TMEM154: variants seen among roughly 807,000 people sequenced by gnomAD.
The protein encoded by TMEM154 is transmembrane protein 154.
In TMEM154, 27 loss-of-function variants were observed where a neutral mutation model predicts 24.5. The ratio of observed to expected loss-of-function variants is 1.10; its 90% CI spans 0.81 to 1.52. TMEM154 has a LOEUF of 1.52. TMEM154 is among the 40% of genes most tolerant of loss of function. The pLI, the probability that TMEM154 is intolerant of heterozygous loss-of-function variation, is 0.00. For synonymous variants in TMEM154, 67 were observed against 76.8 expected, an observed-to-expected ratio of 0.87 and a Z score of 0.67; for missense variants, 228 against 213.4, an observed-to-expected ratio of 1.07 and a Z score of -0.43.
intron 3 of TMEM154, among the ~76,000 whole-genome samples, chr4:152,648,621 C>T (rs1285524781): frequency 6.6e-6 from 1 of 152,212 alleles, no homozygotes; most frequent in Non-Finnish European, 1.5e-5. Flanking sequence ...AAAGTCAAGT[C>T]AAGTTCTGGG....
chr4:152,662,399 G>T (rs1331283440), intron 1 of TMEM154, among the ~76,000 whole-genome samples: 1 of 152,166 alleles, frequency 6.6e-6, no homozygotes, highest in African/African-American at 2.4e-5. Flanking sequence ...AGCTCCAAGA[G>T]TTTGTGCAAG....
At position 152,679,928 on chromosome 4, in the gene TMEM154, C is replaced by G. The variant is rs1459483737; in HGVS notation, c.6G>C (p.Gln2His). 1 of 1,609,844 alleles carries G rather than the reference C, an allele frequency of 6.2e-7. No homozygotes were observed. Among genetic ancestry groups the G allele is most frequent in the Admixed American group, 1.7e-5 (1 of 59,476 alleles). Residue 2 changes from glutamine (Q) to histidine (H), a missense_variant, in exon 1 of 7, where the codon CAG becomes CAC. Physicochemically the swap from Gln to His is conservative, Grantham distance 24. Transcript: ENST00000304385. M[Q>H]APRAALVFAL... ...CGAAGACTAGGGCTGCGCGGGGAGC[C>G]TGCATGTCCGCTCGCCTCGGCAGAG... is the stretch of plus-strand genomic sequence containing the variant.
In TMEM154 at chr4:152,626,639, C is replaced by T. The variant is rs1751925989; in HGVS notation, c.*1907G>A. On this transcript the variant is annotated 3_prime_UTR_variant, in exon 7 of 7. Coordinates refer to ENST00000304385, the MANE Select transcript of TMEM154 (RefSeq NM_152680.3). Reference sequence around the variant, plus strand: ...ATTTTTATCATATTATATAATATGACTTCATCAACATGAAGTTCCAGGACC... The same window carrying T: ...ATTTTTATCATATTATATAATATGATTTCATCAACATGAAGTTCCAGGACC... The T allele has an allele frequency of 6.6e-6, 1 of 152,138 alleles. No homozygotes were observed. The highest frequency in any genetic ancestry group is 1.5e-5 in the Non-Finnish European group (1 of 68,016). 9.4% of individuals were successfully genotyped at this position (152,138 alleles called of 1,614,324 possible).
chr4:152,636,312 C>T (rs959446360), intron 6 of TMEM154, among the ~76,000 whole-genome samples: 9 of 152,242 alleles, frequency 5.9e-5, no homozygotes, highest in African/African-American at 2.2e-4. Context: ...CCTCCTAGCA[C>T]CCTCCTCCCA....
At chr4:152,628,636 T>TCC in intron 6 of TMEM154, 75 bp from the exon 7 acceptor site, 2 of 1,237,562 alleles carry the variant, frequency 1.6e-6, no homozygotes, top group South Asian at 3.1e-5. Context: ...ATATATTTCT[T>TCC]TCTTTTTTTT....
At position 152,679,876 on chromosome 4, in the gene TMEM154, C is replaced by A; in HGVS notation, c.58G>T (p.Gly20Cys). ...FALVIALVPV[G>C]RGNYEELENS... is the part of the protein sequence containing the mutation. ...GGAAGTGGAGGCGGCTTACCCCGGC[C>A]GACGGGAACGAGCGCGATCACCAGG... Residue 20 changes from glycine to cysteine, a missense_variant, in exon 1 of 7, where the codon GGC becomes TGC. Transcript: ENST00000304385. 1.2e-6 allele frequency: 2 copies of A among 1,608,828 alleles called. No homozygotes were observed. Among genetic ancestry groups the A allele is most frequent in the Non-Finnish European group, 1.7e-6 (2 of 1,178,244 alleles).
At chr4:152,679,262 C>T (rs937149357) in intron 1 of TMEM154, among the ~76,000 whole-genome samples, 4 of 151,174 alleles carry the variant, frequency 2.6e-5, no homozygotes, top group African/African-American at 9.8e-5. Flanking sequence ...AAAAAAAAAT[C>T]TGTAAAAGTA....
intron 6 of TMEM154, among the ~76,000 whole-genome samples, chr4:152,639,148 A>G (rs968333112): frequency 1.3e-5 from 2 of 152,060 alleles, no homozygotes; most frequent in African/African-American, 4.8e-5. Flanking sequence ...ATGGAGTTTT[A>G]CCATGTGGGC....
intron 1 of TMEM154, among the ~76,000 whole-genome samples, chr4:152,676,842 T>C (rs1243002892): frequency 6.6e-6 from 1 of 152,184 alleles, no homozygotes; most frequent in African/African-American, 2.4e-5. Flanking sequence ...CTCCCATTCC[T>C]CTCTGTTTGG....
intron 6 of TMEM154, among the ~76,000 whole-genome samples, chr4:152,632,368 G>T (rs565227811): frequency 6.6e-6 from 1 of 152,248 alleles, no homozygotes; most frequent in South Asian, 2.1e-4. Context: ...TTGATTCCAA[G>T]TGTACACTGT....
rs1331333346 is a variant in TMEM154, at chr4:152,623,131, G to A, written c.*5415C>T. 2 of 152,128 alleles carry A rather than the reference G, an allele frequency of 1.3e-5. No homozygotes were observed. The highest frequency in any genetic ancestry group is 4.8e-5 in the African/African-American group (2 of 41,430). The allele number at this position is 152,128 out of a possible 1,614,324, so 9.4% of individuals were successfully genotyped here. On this transcript the variant is annotated 3_prime_UTR_variant, in exon 7 of 7. Transcript: ENST00000304385. ...GAAGTAAGCCACTGTGCCTGGCTGG[G>A]ACCACTTCTAATATGAGGCTTACAA...
chr4:152,658,549 T>C (rs941691751), intron 1 of TMEM154, among the ~76,000 whole-genome samples: 1 of 151,546 alleles, frequency 6.6e-6, no homozygotes, highest in Non-Finnish European at 1.5e-5. Context: ...GGCTAATGCC[T>C]ATAATCTCAG....
intron 6 of TMEM154, among the ~76,000 whole-genome samples, chr4:152,629,235 A>AAATT (rs1751986816): frequency 6.6e-6 from 1 of 152,212 alleles, no homozygotes; most frequent in African/African-American, 2.4e-5. Context: ...AATACGTGCC[A>AAATT]AATTGCCTTT....
At chr4:152,665,279 G>T (rs191170364) in intron 1 of TMEM154, among the ~76,000 whole-genome samples, 31 of 152,228 alleles carry the variant, frequency 2.0e-4, no homozygotes, top group African/African-American at 6.5e-4. Flanking sequence ...TCTCCTTGTG[G>T]CTCCAGGACG....
intron 1 of TMEM154, among the ~76,000 whole-genome samples, chr4:152,678,582 G>A (rs1728996440): frequency 6.6e-6 from 1 of 151,928 alleles, no homozygotes; most frequent in Non-Finnish European, 1.5e-5. Flanking sequence ...AAAGAACTCT[G>A]GAGTAGAAGC....
Position 152,631,895 on chromosome 4 carries a change from C to T in TMEM154, c.537-3334G>A, listed in dbSNP as rs369555959. 2.5e-4 allele frequency among the ~76,000 whole-genome samples: 37 copies of T among 147,032 alleles called. 1 individual carries two copies. Among genetic ancestry groups the T allele is most frequent in the East Asian group, 2.1e-3 (10 of 4,870 alleles). ...TCTCGGCTTGCTGCAAGCTCCACCT[C>T]CCAGGTTCACACCATTCTCCTGCCT... On this transcript the variant is annotated intron_variant, in intron 6 of 6. Coordinates refer to ENST00000304385, the MANE Select transcript of TMEM154 (RefSeq NM_152680.3).
chr4:152,650,494 T>C (rs1728356380), intron 3 of TMEM154, among the ~76,000 whole-genome samples: 1 of 152,222 alleles, frequency 6.6e-6, no homozygotes, highest in Admixed American at 6.5e-5. Context: ...CTAGTTCTCT[T>C]GTTCTTTCTA....
chr4:152,675,329 T>TA (rs1247839853), intron 1 of TMEM154, among the ~76,000 whole-genome samples: 5 of 151,718 alleles, frequency 3.3e-5, no homozygotes, highest in Admixed American at 1.3e-4. Flanking sequence ...ACAATGTGTA[T>TA]AAAAAAAGAA....
At position 152,628,304 on chromosome 4, in the gene TMEM154, C is replaced by A; in HGVS notation, c.*242G>T. On this transcript the variant is annotated 3_prime_UTR_variant, in exon 7 of 7. Coordinates refer to ENST00000304385, the MANE Select transcript of TMEM154 (RefSeq NM_152680.3). ...AGCACATCACCCGCCTCCTTCTCCA[C>A]CCTCAGAGGCAGCGATGGATGGCAG... 1.5e-6 allele frequency: 1 copy of A among 648,734 alleles called. No individual in the cohort carries two copies. Among genetic ancestry groups the A allele is most frequent in the Admixed American group, 3.1e-5 (1 of 32,414 alleles). The allele number at this position is 648,734 out of a possible 1,614,324, so 40.2% of individuals were successfully genotyped here.
Sources: gnomAD v4.1 joint callset for allele counts (sites outside exome capture counted in the v4.1 genomes callset) on GRCh38, gnomAD v4.1.1 for gene constraint, MANE v1.5 for transcripts, NCBI Gene and HGNC (gene_info 2026-07-23, HGNC 2026-07-21) for gene names.